Variants in MLLT10 observed in about 807,000 individuals in gnomAD.
The protein encoded by MLLT10 is MLLT10 histone lysine methyltransferase DOT1L cofactor.
In MLLT10, 30 loss-of-function variants were observed where a neutral mutation model predicts 129.1. The ratio of observed to expected loss-of-function variants is 0.23; its 90% CI spans 0.17 to 0.32. The LOEUF (loss-of-function observed/expected upper bound fraction) is 0.32, where lower values mean the gene tolerates loss of function less well. MLLT10 is among the 10% of genes least tolerant of loss of function. The probability of loss-of-function intolerance (pLI) is 1.00; values close to 1 mark genes in which losing one functional copy is unlikely to be tolerated. For missense variants in MLLT10, 1,119 were observed against 1,268.3 expected (o/e 0.88, Z 1.79); for synonymous variants, 490 against 446.4 (o/e 1.10, Z -1.23).
chr10:21,560,171 A>C (rs2038626181), intron 3 of MLLT10, among the ~76,000 whole-genome samples: 1 of 151,870 alleles, frequency 6.6e-6, no homozygotes, highest in Admixed American at 6.6e-5. Flanking sequence ...ACACCCGGCT[A>C]ATTTTGTATT....
intron 10 of MLLT10, 141 bp from the exon 11 acceptor site, chr10:21,673,209 C>T (rs1389923862): frequency 2.0e-6 from 1 of 500,896 alleles, no homozygotes; most frequent in Non-Finnish European, 3.4e-6. Context: ...ATACGAATGT[C>T]CTAAGTGTTG....
chr10:21,727,862 A>T lies in MLLT10; in HGVS notation c.1997A>T (p.Asp666Val). 6.2e-7 allele frequency: 1 copy of T among 1,613,836 alleles called. No individual in the cohort carries two copies. The highest frequency in any genetic ancestry group is 1.1e-5 in the South Asian group (1 of 91,018). Residue 666 changes from aspartate to valine, a missense_variant, in exon 16 of 23, where the codon GAT becomes GTT. Asp to Val is a radical substitution (Grantham distance 152). Coordinates refer to ENST00000307729, the MANE Select transcript of MLLT10 (RefSeq NM_001195626.3). The part of the protein sequence containing the change: ...AQSENNQTDQ[D>V]LGDNSRNLVG... Reference sequence around the variant, plus strand: ...TGAAATATTTACACTACAGATCAAGATCTTGGAGACAATAGCCGCAACCTA... The same window carrying T: ...TGAAATATTTACACTACAGATCAAGTTCTTGGAGACAATAGCCGCAACCTA...
At chr10:21,612,577 C>A in intron 6 of MLLT10, 126 bp downstream of exon 6, 1 of 496,282 alleles carries the variant, frequency 2.0e-6, no homozygotes, top group Non-Finnish European at 3.5e-6. Flanking sequence ...TTTCTATGTT[C>A]ACATTTACTT....
intron 2 of MLLT10, among the ~76,000 whole-genome samples, chr10:21,537,510 G>A (rs571553783): frequency 3.1e-4 from 47 of 152,138 alleles, no homozygotes; most frequent in African/African-American, 1.0e-3. Context: ...TCTTGTCCAG[G>A]CTGGAGTGCA....
intron 12 of MLLT10, 136 bp downstream of exon 12, chr10:21,681,512 T>G (rs2052736010): frequency 3.3e-6 from 2 of 609,308 alleles, no homozygotes; most frequent in Non-Finnish European, 5.7e-6. Flanking sequence ...CAGATACTTT[T>G]CTCCTGCAAA....
At position 21,596,630 on chromosome 10, in the gene MLLT10, C is replaced by G. The variant is rs115821027; in HGVS notation, c.405+1190C>G. 6.6e-3 allele frequency among the ~76,000 whole-genome samples: 978 copies of G among 147,228 alleles called. 6 individuals carry two copies. Among genetic ancestry groups the G allele is most frequent in the African/African-American group, 0.023 (916 of 39,690 alleles). Reference sequence around the variant, plus strand: ...CCCTTAAAAAACTTTGCTATTCTTTCTAGTAAAAAAAAAAAAAAATATTAA... The same window carrying G: ...CCCTTAAAAAACTTTGCTATTCTTTGTAGTAAAAAAAAAAAAAAATATTAA... On this transcript the variant is annotated intron_variant, in intron 5 of 22. Coordinates refer to ENST00000307729, the MANE Select transcript of MLLT10 (RefSeq NM_001195626.3).
chr10:21,669,210 TAATGATG>T (rs1480989952), intron 9 of MLLT10, among the ~76,000 whole-genome samples: 1 of 152,116 alleles, frequency 6.6e-6, no homozygotes, highest in African/African-American at 2.4e-5. Context: ...TTCTTCTATT[TAATGATG>T]AATATCTGTT....
intron 21 of MLLT10, chr10:21,738,448 C>A (rs2058562711): frequency 7.8e-7 from 1 of 1,288,934 alleles, no homozygotes; most frequent in Admixed American, 2.3e-5. Flanking sequence ...AAGGAATTTT[C>A]AGCACAAATT....
chr10:21,548,298 G>A (rs1273050757), intron 3 of MLLT10, among the ~76,000 whole-genome samples: 1 of 150,616 alleles, frequency 6.6e-6, no homozygotes, highest in African/African-American at 2.4e-5. Context: ...TCTTTTCCTA[G>A]AACTGTTAGG....
chr10:21,668,173 T>C (rs950225671), intron 9 of MLLT10, among the ~76,000 whole-genome samples: 2 of 152,240 alleles, frequency 1.3e-5, no homozygotes, highest in Admixed American at 6.5e-5. Context: ...TATACAAGAA[T>C]TACACTCAGA....
intron 3 of MLLT10, among the ~76,000 whole-genome samples, chr10:21,542,124 A>G (rs1254655796): frequency 6.6e-6 from 1 of 152,200 alleles, no homozygotes; most frequent in Non-Finnish European, 1.5e-5. Context: ...TAGGAAAATA[A>G]GGTGGGTATT....
At chr10:21,570,237 C>CGCGCGTGTGTGTGTGT (rs921115298) in intron 3 of MLLT10, among the ~76,000 whole-genome samples, 3 of 132,538 alleles carry the variant, frequency 2.3e-5, no homozygotes, top group Admixed American at 7.3e-5. Context: ...TGTGTGTGTG[C>CGCGCGTGTGTGTGTGT]GCGCGTGTGT....
intron 3 of MLLT10, among the ~76,000 whole-genome samples, chr10:21,573,795 T>C (rs1189798456): frequency 6.6e-6 from 1 of 152,052 alleles, no homozygotes; most frequent in Non-Finnish European, 1.5e-5. Flanking sequence ...CCTCAAGTGA[T>C]CCTCCCGCCT....
chr10:21,603,054 A>T (rs187767112), intron 5 of MLLT10, among the ~76,000 whole-genome samples: 2,155 of 150,144 alleles, frequency 0.014, 26 homozygotes, highest in Non-Finnish European at 0.022. Context: ...TAATCAAAAA[A>T]TTTTTTTCTT....
intron 8 of MLLT10, among the ~76,000 whole-genome samples, chr10:21,637,182 C>T (rs1192443747): frequency 2.0e-5 from 3 of 152,188 alleles, no homozygotes; most frequent in African/African-American, 7.2e-5. Context: ...AAACATGTAG[C>T]TTAAAAGCAT....
chr10:21,703,948 A>C (rs968435238), intron 13 of MLLT10, among the ~76,000 whole-genome samples: 1 of 146,938 alleles, frequency 6.8e-6, no homozygotes, highest in Non-Finnish European at 1.5e-5. Context: ...TCAAGTTGTG[A>C]ATTTCTTCTG....
chr10:21,554,191 A>T (rs1046134184), intron 3 of MLLT10, among the ~76,000 whole-genome samples: 10 of 152,174 alleles, frequency 6.6e-5, no homozygotes, highest in Non-Finnish European at 1.3e-4. Flanking sequence ...CCTTTTCTGT[A>T]TTTAAAAAAA....
chr10:21,696,234 C>T (rs1366641740), intron 13 of MLLT10, among the ~76,000 whole-genome samples: 1 of 151,516 alleles, frequency 6.6e-6, no homozygotes, highest in Non-Finnish European at 1.5e-5. Context: ...AGCTTTAAGC[C>T]TTCAAGTTTC....
chr10:21,700,007 A>C (rs985510886), intron 13 of MLLT10, among the ~76,000 whole-genome samples: 1 of 152,062 alleles, frequency 6.6e-6, no homozygotes, highest in Non-Finnish European at 1.5e-5. Flanking sequence ...ATTCATGAGC[A>C]TGGGATGTCT....
Sources: allele counts gnomAD v4.1 joint callset (sites outside exome capture counted in the v4.1 genomes callset), GRCh38; gene constraint gnomAD v4.1.1; transcripts MANE v1.5; gene names NCBI Gene and HGNC (gene_info 2026-07-23, HGNC 2026-07-21).